FRY: variants seen among roughly 807,000 people sequenced by gnomAD.
FRY encodes the protein protein furry homolog.
FRY carries 128 observed loss-of-function variants against 348.4 expected under a neutral mutation model. The ratio of observed to expected loss-of-function variants is 0.37; its 90% CI spans 0.32 to 0.43. The LOEUF is 0.43. Ranked by LOEUF, FRY falls within the 20% of genes least tolerant of loss-of-function variation. The pLI is 1.00. For synonymous variants in FRY, 1,370 were observed against 1,374.7 expected (o/e 1.00, Z 0.08); for missense variants, 2,736 against 3,695.2 (o/e 0.74, Z 6.73).
chr13:32,089,769 G>C (rs143048354), intron 2 of FRY, among the ~76,000 whole-genome samples: 14 of 139,032 alleles, frequency 1.0e-4, no homozygotes, highest in African/African-American at 4.1e-4. Flanking sequence ...TCCAAAAAAA[G>C]AAAAAAAGAA....
At chr13:32,179,117 G>C in intron 22 of FRY, 84 bp downstream of exon 22, 1 of 993,510 alleles carries the variant, frequency 1.0e-6, no homozygotes. Flanking sequence ...AAATTGCACT[G>C]TGCCTGCCAT....
intron 1 of FRY, among the ~76,000 whole-genome samples, chr13:32,043,609 T>C (rs539219321): frequency 6.6e-6 from 1 of 152,184 alleles, no homozygotes; most frequent in Non-Finnish European, 1.5e-5. Flanking sequence ...GATAAAGATA[T>C]TGGCTACCAG....
In FRY at chr13:32,210,952, C is replaced by G; in HGVS notation, c.4509C>G (p.Pro1503=). The change falls in exon 34 of 61, where the codon CCC becomes CCG. Residue 1503 remains proline (P), a synonymous_variant. Transcript: ENST00000542859. ...ELLFELQQTE[P]VNPIVQHCDN... ...TCTTTGAGCTGCAGCAGACAGAGCCCGTGAACCCCATCGTCCAGCATTGTG... is the reference window on the plus strand; with the variant it reads ...TCTTTGAGCTGCAGCAGACAGAGCCGGTGAACCCCATCGTCCAGCATTGTG... 6.2e-7 allele frequency: 1 copy of G among 1,613,902 alleles called. No homozygotes were observed. Among genetic ancestry groups the G allele is most frequent in the South Asian group, 1.1e-5 (1 of 91,068 alleles).
intron 29 of FRY, among the ~76,000 whole-genome samples, chr13:32,195,678 A>G (rs1264925812): frequency 6.6e-6 from 1 of 152,246 alleles, no homozygotes; most frequent in Non-Finnish European, 1.5e-5. Flanking sequence ...AGTGCTTAAT[A>G]AATTTAACAA....
At position 32,296,862 on chromosome 13, in the gene FRY, C is replaced by T. The variant is rs928615201; in HGVS notation, c.*1402C>T. On this transcript the variant is annotated 3_prime_UTR_variant, in exon 61 of 61. Transcript: ENST00000542859. ...AAAACTGTGAGCTTCAACCAATTCT[C>T]TGTAATCAACCAAAGAGAAAAATCA... 1 of 152,190 alleles carries T rather than the reference C, an allele frequency of 6.6e-6. No homozygotes were observed. The highest frequency in any genetic ancestry group is 6.5e-5 in the Admixed American group (1 of 15,276). The allele number at this position is 152,190 out of a possible 1,614,324, so 9.4% of individuals were successfully genotyped here. A position where few individuals can be genotyped will look rare whatever the true frequency, so the allele number is the denominator to read the frequency against.
intron 2 of FRY, among the ~76,000 whole-genome samples, chr13:32,091,580 A>G (rs1458257992): frequency 2.0e-5 from 3 of 152,024 alleles, no homozygotes; most frequent in Non-Finnish European, 4.4e-5. Context: ...TTCTGAACAA[A>G]ACGCTTTGGT....
chr13:32,145,555 T>G (rs1880375556), intron 11 of FRY, among the ~76,000 whole-genome samples: 1 of 135,616 alleles, frequency 7.4e-6, no homozygotes, highest in Non-Finnish European at 1.6e-5. Context: ...TTTTTTTTTT[T>G]GAGACGGAGT....
rs528575938 is a variant in FRY, at chr13:32,214,427, T to G, written c.4682+2045T>G. Among the ~76,000 whole-genome samples, 4 of 152,352 alleles carry G rather than the reference T, an allele frequency of 2.6e-5. No individual in the cohort carries two copies. In the South Asian group the frequency reaches 8.3e-4, roughly 32 times the overall value. ...CAAATTCATAAATTTTCTTAAAAGA[T>G]TATGAGATTTTGAGTGTGTGTGATT... On this transcript the variant is annotated intron_variant, in intron 35 of 60. Transcript: ENST00000542859.
At chr13:32,173,597 C>T (rs1271081299) in intron 19 of FRY, 48 bp downstream of exon 19, 8 of 1,353,588 alleles carry the variant, frequency 5.9e-6, no homozygotes, top group Non-Finnish European at 7.4e-6. Context: ...TTCAACTCTT[C>T]TGAAATTTAG....
chr13:32,227,815 G>A (rs1035861613), intron 39 of FRY, among the ~76,000 whole-genome samples: 5 of 149,586 alleles, frequency 3.3e-5, no homozygotes, highest in Non-Finnish European at 4.4e-5. Context: ...GCAGCGGCGC[G>A]ATCTCAGCTC....
intron 37 of FRY, among the ~76,000 whole-genome samples, chr13:32,224,673 T>G (rs1393605717): frequency 1.3e-5 from 2 of 152,226 alleles, no homozygotes; most frequent in Non-Finnish European, 2.9e-5. Context: ...AGAGGGACCT[T>G]GTCTTTGATT....
chr13:32,081,170 T>C (rs1372662996), intron 2 of FRY, among the ~76,000 whole-genome samples: 1 of 152,160 alleles, frequency 6.6e-6, no homozygotes, highest in Non-Finnish European at 1.5e-5. Flanking sequence ...ACAACTAAAA[T>C]GTCCCCAAAC....
At chr13:32,129,049 C>T (rs902476224) in intron 7 of FRY, among the ~76,000 whole-genome samples, 3 of 152,102 alleles carry the variant, frequency 2.0e-5, no homozygotes, top group African/African-American at 7.2e-5. Flanking sequence ...CCATTTTCTC[C>T]CTGTGTCTTC....
chr13:32,168,064 G>T (rs1169158853), intron 17 of FRY, among the ~76,000 whole-genome samples: 1 of 152,170 alleles, frequency 6.6e-6, no homozygotes, highest in Admixed American at 6.5e-5. Context: ...GAGATTTATT[G>T]TAAGGAATTG....
At chr13:32,245,243 A>G (rs1052187592) in intron 47 of FRY, among the ~76,000 whole-genome samples, 7 of 151,932 alleles carry the variant, frequency 4.6e-5, no homozygotes, top group South Asian at 2.1e-4. Flanking sequence ...CACCACGTCC[A>G]GCCCAGATTG....
chr13:32,050,430 T>C (rs1477721728), intron 1 of FRY, among the ~76,000 whole-genome samples: 2 of 152,208 alleles, frequency 1.3e-5, no homozygotes, highest in African/African-American at 4.8e-5. Context: ...CAGAATTATA[T>C]ATGGCTTGGT....
In FRY at chr13:32,267,272, C is replaced by T. The variant is rs1887971658; in HGVS notation, c.8049C>T (p.Ala2683=). The part of the protein sequence containing the change: ...QPAACDDAEE[A]WRSHINQLMC... The stretch of plus-strand genomic sequence containing the variant: ...CAGCCTGTGACGATGCCGAGGAGGC[C>T]TGGCGCAGCCACATCAACCAGCTTA... The change falls in exon 55 of 61, where the codon GCC becomes GCT. Residue 2683 remains alanine, a synonymous_variant. Coordinates refer to ENST00000542859, the MANE Select transcript of FRY (RefSeq NM_023037.3). The T allele has an allele frequency of 6.2e-7, 1 of 1,614,164 alleles. No homozygotes were observed.
At chr13:32,133,764 C>CTTT (rs1259372646) in intron 8 of FRY, among the ~76,000 whole-genome samples, 10 of 108,482 alleles carry the variant, frequency 9.2e-5, no homozygotes, top group South Asian at 3.0e-4. Flanking sequence ...TTCTTTCTTT[C>CTTT]TTTCTTTTTT....
intron 4 of FRY, 59 bp downstream of exon 4, chr13:32,117,532 A>T (rs1878376084): frequency 6.4e-7 from 1 of 1,573,786 alleles, no homozygotes; most frequent in Non-Finnish European, 8.7e-7. Flanking sequence ...AGGAAACATA[A>T]ATCAAAATTA....
Sources: gnomAD v4.1 joint callset for allele counts (sites outside exome capture counted in the v4.1 genomes callset) on GRCh38, gnomAD v4.1.1 for gene constraint, MANE v1.5 for transcripts, NCBI Gene and HGNC (gene_info 2026-07-23, HGNC 2026-07-21) for gene names.